The following ITGA1 variants were observed in gnomAD, a reference collection of about 807,000 sequenced individuals.
The protein encoded by ITGA1 is integrin alpha-1.
Under a neutral mutation model 145.9 loss-of-function variants are expected in ITGA1, and 85 were observed. The observed-to-expected ratio is 0.58, with a 90% CI of 0.49 to 0.70. The LOEUF is 0.70. Among genes scored for constraint, ITGA1 ranks in the 30% least tolerant of loss-of-function variants. ITGA1 has a pLI of 0.00. For synonymous variants in ITGA1, 520 were observed against 495.3 expected (o/e 1.05, Z -0.66); for missense variants, 1,351 against 1,418.7 (o/e 0.95, Z 0.77).
chr5:52,790,323 C>T (rs1748213867), intron 1 of ITGA1, among the ~76,000 whole-genome samples: 2 of 152,202 alleles, frequency 1.3e-5, no homozygotes, highest in South Asian at 2.1e-4. Context: ...CCTAATCCAA[C>T]ACCCTCTCTC....
intron 6 of ITGA1, among the ~76,000 whole-genome samples, chr5:52,877,755 T>C (rs1749890350): frequency 6.6e-6 from 1 of 152,186 alleles, no homozygotes; most frequent in Non-Finnish European, 1.5e-5. Flanking sequence ...AAAGCTGTTT[T>C]CTTCCACCTC....
At chr5:52,859,764 CCTAA>C (rs1183540051) in intron 2 of ITGA1, among the ~76,000 whole-genome samples, 3 of 152,202 alleles carry the variant, frequency 2.0e-5, no homozygotes, top group African/African-American at 7.2e-5. Flanking sequence ...TTACCAGACT[CCTAA>C]CTATCTGAGT....
At chr5:52,846,267 G>T (rs990303835) in intron 1 of ITGA1, among the ~76,000 whole-genome samples, 1 of 152,124 alleles carries the variant, frequency 6.6e-6, no homozygotes, top group Non-Finnish European at 1.5e-5. Flanking sequence ...GCCAAACGTG[G>T]TGTCAGGCAC....
intron 11 of ITGA1, among the ~76,000 whole-genome samples, chr5:52,900,637 G>A (rs1750298975): frequency 6.6e-6 from 1 of 152,178 alleles, no homozygotes; most frequent in Non-Finnish European, 1.5e-5. Flanking sequence ...AAGACTTGAA[G>A]CAGTTATGGT....
intron 1 of ITGA1, among the ~76,000 whole-genome samples, chr5:52,812,260 A>T (rs1228566943): frequency 1.3e-5 from 2 of 152,148 alleles, no homozygotes; most frequent in Non-Finnish European, 2.9e-5. Context: ...ACCAAAACCG[A>T]TCAATTTGTG....
intron 15 of ITGA1, among the ~76,000 whole-genome samples, chr5:52,916,907 A>G (rs928115454): frequency 2.0e-5 from 3 of 152,134 alleles, no homozygotes; most frequent in African/African-American, 7.2e-5. Flanking sequence ...TTTCTTGCAA[A>G]GCTTTGCAAA....
chr5:52,929,605 G>C lies in ITGA1; in HGVS notation c.2695-20G>C. On this transcript the variant is annotated intron_variant, in intron 20 of 28. Coordinates refer to ENST00000282588, the MANE Select transcript of ITGA1 (RefSeq NM_181501.2). ...AGTAAATTTCTTATCTGTTACTAAA[G>C]ACATATTTTTATTTTATAGGTAACT... 1 of 1,268,492 alleles carries C rather than the reference G, an allele frequency of 7.9e-7. No individual in the cohort carries two copies. Among genetic ancestry groups the C allele is most frequent in the Non-Finnish European group, 1.1e-6 (1 of 875,118 alleles). The allele number at this position is 1,268,492 out of a possible 1,614,324, so 78.6% of individuals were successfully genotyped here. A position where few individuals can be genotyped will look rare whatever the true frequency, so the allele number is the denominator to read the frequency against.
intron 1 of ITGA1, among the ~76,000 whole-genome samples, chr5:52,832,406 G>C (rs1749085495): frequency 6.6e-6 from 1 of 152,184 alleles, no homozygotes; most frequent in South Asian, 2.1e-4. Context: ...GAAATCTTTG[G>C]TTGGAGTAGA....
chr5:52,871,950 A>G (rs1561233007), intron 6 of ITGA1, among the ~76,000 whole-genome samples: 1 of 152,196 alleles, frequency 6.6e-6, no homozygotes, highest in African/African-American at 2.4e-5. Flanking sequence ...TTGATCCTCA[A>G]TACCTAAACA....
At chr5:52,895,444 G>C (rs1284899210) in intron 9 of ITGA1, among the ~76,000 whole-genome samples, 1 of 152,042 alleles carries the variant, frequency 6.6e-6, no homozygotes, top group Non-Finnish European at 1.5e-5. Context: ...AAATACATAA[G>C]GTCTTCCAAC....
At chr5:52,909,509 TC>T (rs967209689) in intron 13 of ITGA1, among the ~76,000 whole-genome samples, 2 of 152,210 alleles carry the variant, frequency 1.3e-5, no homozygotes, top group African/African-American at 4.8e-5. Context: ...ACTTTAGACA[TC>T]ATTTTTTAAG....
At chr5:52,950,035 T>A (rs1751195159) in intron 28 of ITGA1, among the ~76,000 whole-genome samples, 1 of 152,224 alleles carries the variant, frequency 6.6e-6, no homozygotes, top group Non-Finnish European at 1.5e-5. Flanking sequence ...ACAGTCTTTA[T>A]ATCTTTGTCT....
Position 52,865,037 on chromosome 5 carries a change from G to A in ITGA1, c.451G>A (p.Val151Ile), listed in dbSNP as rs150093672. ...LHYTTGICSD[V>I]SPTFQVVNSI... ...TTACACAACTGGAATCTGTTCTGAC[G>A]TCAGCCCCACATTTCAAGTCGTGAA... The change falls in exon 5 of 29, where the codon GTC (valine) becomes ATC (isoleucine). Residue 151 changes from valine (V) to isoleucine (I), a missense_variant. Physicochemically the swap from Val to Ile is conservative, Grantham distance 29. Coordinates refer to ENST00000282588, the MANE Select transcript of ITGA1 (RefSeq NM_181501.2). 17 of 1,613,662 alleles carry A rather than the reference G, an allele frequency of 1.1e-5. No homozygotes were observed. Among genetic ancestry groups the A allele is most frequent in the Admixed American group, 1.0e-4 (6 of 59,982 alleles).
intron 14 of ITGA1, 45 bp downstream of exon 14, chr5:52,910,464 G>T (rs778839056): frequency 6.3e-7 from 1 of 1,580,916 alleles, no homozygotes; most frequent in Admixed American, 1.7e-5. Context: ...GTGATAAGTC[G>T]GTTCAATGCC....
intron 6 of ITGA1, among the ~76,000 whole-genome samples, chr5:52,871,039 C>G (rs1173677073): frequency 6.6e-6 from 1 of 152,172 alleles, no homozygotes; most frequent in East Asian, 1.9e-4. Flanking sequence ...AGTTAGCACT[C>G]TAAGTGAAAA....
chr5:52,898,175 G>A, intron 10 of ITGA1, 64 bp from the exon 11 acceptor site: 2 of 1,081,436 alleles, frequency 1.8e-6, no homozygotes, highest in Non-Finnish European at 2.6e-6. Flanking sequence ...ATTGTTAATG[G>A]TGTTTAAGTA....
chr5:52,939,514 T>C lies in ITGA1; in HGVS notation c.3079-76T>C. On this transcript the variant is annotated intron_variant, in intron 24 of 28. Coordinates refer to ENST00000282588, the MANE Select transcript of ITGA1 (RefSeq NM_181501.2). ...GCAATGGCTGTCATTCACAGATTCT[T>C]TACACTACTGCAGCAAGTCATGTTT... 5.3e-6 allele frequency: 5 copies of C among 939,698 alleles called. No individual in the cohort carries two copies. The South Asian group carries it at 7.2e-5, about 14-fold the overall frequency. 58.2% of individuals were successfully genotyped at this position (939,698 alleles called of 1,614,324 possible). A position where few individuals can be genotyped will look rare whatever the true frequency, so the allele number is the denominator to read the frequency against.
intron 7 of ITGA1, among the ~76,000 whole-genome samples, chr5:52,887,259 A>G (rs1477808220): frequency 6.6e-6 from 1 of 152,180 alleles, no homozygotes; most frequent in African/African-American, 2.4e-5. Context: ...GAAAGACTGC[A>G]GATGTCCCTA....
intron 15 of ITGA1, among the ~76,000 whole-genome samples, chr5:52,917,049 A>G (rs1005204692): frequency 6.6e-6 from 1 of 152,178 alleles, no homozygotes; most frequent in African/African-American, 2.4e-5. Flanking sequence ...GAAGACTAAG[A>G]TTCACAATGC....
Sources: allele counts gnomAD v4.1 joint callset (sites outside exome capture counted in the v4.1 genomes callset), GRCh38; gene constraint gnomAD v4.1.1; transcripts MANE v1.5; gene names NCBI Gene and HGNC (gene_info 2026-07-23, HGNC 2026-07-21).